Variants in PRDM16 observed in about 807,000 individuals in gnomAD.
The protein encoded by PRDM16 is PR/SET domain 16.
A neutral mutation model predicts 110.6 loss-of-function variants in PRDM16; 23 were observed. That is an observed-to-expected ratio of 0.21 (90% CI 0.15 to 0.29). The LOEUF (loss-of-function observed/expected upper bound fraction) is 0.29, where lower values mean the gene tolerates loss of function less well. Ranked by LOEUF, PRDM16 falls within the 10% of genes least tolerant of loss-of-function variation. PRDM16 has a pLI of 1.00. For synonymous variants in PRDM16, 799 were observed against 781.8 expected (o/e 1.02, Z -0.37); for missense variants, 1,615 against 1,794.3 (o/e 0.90, Z 1.81).
At chr1:3,392,502 G>A (rs911156558) in intron 4 of PRDM16, among the ~76,000 whole-genome samples, 4 of 152,184 alleles carry the variant, frequency 2.6e-5, no homozygotes, top group Non-Finnish European at 4.4e-5. Context: ...CCACCTGGTG[G>A]AATTTGCATG....
intron 3 of PRDM16, among the ~76,000 whole-genome samples, chr1:3,351,774 T>G (rs1570119388): frequency 8.6e-6 from 1 of 116,648 alleles, no homozygotes; most frequent in East Asian, 2.5e-4. Context: ...TCTTCTTCCC[T>G]CCCTCTCTCT....
At chr1:3,298,249 C>T (rs1373401254) in intron 3 of PRDM16, among the ~76,000 whole-genome samples, 5 of 152,212 alleles carry the variant, frequency 3.3e-5, no homozygotes, top group Non-Finnish European at 7.3e-5. Context: ...GCAAATGCAC[C>T]TCGTGTTCGA....
intron 3 of PRDM16, among the ~76,000 whole-genome samples, chr1:3,278,497 G>A (rs771798134): frequency 1.3e-5 from 2 of 152,120 alleles, no homozygotes; most frequent in African/African-American, 4.8e-5. Flanking sequence ...TGCTCACATC[G>A]GCAACCCCCT....
At chr1:3,368,672 T>C (rs1172907618) in intron 3 of PRDM16, among the ~76,000 whole-genome samples, 1 of 152,250 alleles carries the variant, frequency 6.6e-6, no homozygotes, top group Non-Finnish European at 1.5e-5. Flanking sequence ...CGTGTTGTGC[T>C]GCTTTAAATT....
intron 3 of PRDM16, among the ~76,000 whole-genome samples, chr1:3,383,374 C>T (rs891850200): frequency 3.9e-5 from 6 of 152,110 alleles, no homozygotes; most frequent in Admixed American, 6.5e-5. Flanking sequence ...AACCCTTAGT[C>T]GGGAACCCCA....
At chr1:3,096,725 G>T (rs923011757) in intron 1 of PRDM16, among the ~76,000 whole-genome samples, 26 of 152,312 alleles carry the variant, frequency 1.7e-4, no homozygotes, top group Non-Finnish European at 2.6e-4. Flanking sequence ...CGGAGCAGGG[G>T]TGGATGGTGA....
At chr1:3,239,710 A>G (rs760118276) in intron 2 of PRDM16, among the ~76,000 whole-genome samples, 4 of 152,218 alleles carry the variant, frequency 2.6e-5, no homozygotes, top group Admixed American at 6.5e-5. Context: ...GCACTTTGGG[A>G]GGCCAAGGCA....
intron 3 of PRDM16, among the ~76,000 whole-genome samples, chr1:3,274,675 G>A (rs116080748): frequency 5.3e-5 from 8 of 152,340 alleles, no homozygotes; most frequent in African/African-American, 7.2e-5. Flanking sequence ...CCTTGTCTGC[G>A]AGCTGCGTGA....
At chr1:3,145,529 C>T (rs1643631223) in intron 1 of PRDM16, among the ~76,000 whole-genome samples, 1 of 152,180 alleles carries the variant, frequency 6.6e-6, no homozygotes, top group African/African-American at 2.4e-5. Context: ...GGGGCTTCTC[C>T]CGAGAGTCCC....
Position 3,402,775 on chromosome 1 carries a change from G to A in PRDM16, c.677-16G>A, listed in dbSNP as rs192554855. 0.062 allele frequency: 98,741 copies of A among 1,603,138 alleles called. 3,379 individuals are homozygous for A. The highest frequency in any genetic ancestry group is 0.071 in the Non-Finnish European group (82,646 of 1,171,934). ...TCTCCAGCTCACTCACCACCACCTC[G>A]TTCTCTCTCTTGCAGAGGAGCCCAC... On this transcript the variant is annotated splice_polypyrimidine_tract_variant and intron_variant, in intron 5 of 16. Transcript: ENST00000270722.
chr1:3,118,187 G>C (rs903124066), intron 1 of PRDM16, among the ~76,000 whole-genome samples: 15 of 151,436 alleles, frequency 9.9e-5, no homozygotes, highest in African/African-American at 3.6e-4. Flanking sequence ...GATTGTGTGT[G>C]CATGCATGTA....
rs1643830982 is a variant in PRDM16 at position 3,154,613 on chromosome 1, A to G, written c.38-31512A>G. ...CCAAGCTGGGTTTCCTGGTGTTCTT[A>G]AGGTCCCTGCACGGGCACCATTCCA... On this transcript the variant is annotated intron_variant, in intron 1 of 16. Transcript: ENST00000270722. Among the ~76,000 whole-genome samples, 3 of 151,970 alleles carry G rather than the reference A, an allele frequency of 2.0e-5. No homozygotes were observed. The South Asian group carries it at 6.2e-4, about 32-fold the overall frequency.
chr1:3,276,510 G>A (rs527240731), intron 3 of PRDM16, among the ~76,000 whole-genome samples: 15 of 152,332 alleles, frequency 9.8e-5, no homozygotes, highest in South Asian at 6.2e-4. Context: ...ACTGGCCAGC[G>A]ACCCGGACCC....
intron 16 of PRDM16, 108 bp from the exon 17 acceptor site, chr1:3,433,569 C>CCTGTGTGTG (rs1557674989): frequency 9.5e-5 from 37 of 388,858 alleles, no homozygotes; most frequent in Admixed American, 1.4e-4. Flanking sequence ...ACCTGCCTGT[C>CCTGTGTGTG]TGGGATGGCC....
intron 12 of PRDM16, among the ~76,000 whole-genome samples, chr1:3,422,791 G>T (rs9783034): frequency 0.14 from 21,594 of 152,250 alleles, 1,846 homozygotes; most frequent in Middle Eastern, 0.25. Context: ...AAACTGCAGC[G>T]CCGCCCAGGG....
At chr1:3,270,871 C>G (rs888289156) in intron 3 of PRDM16, among the ~76,000 whole-genome samples, 1 of 151,520 alleles carries the variant, frequency 6.6e-6, no homozygotes, top group African/African-American at 2.4e-5. Context: ...GGGAGGAGGA[C>G]AGTCCAGGAG....
intron 4 of PRDM16, among the ~76,000 whole-genome samples, chr1:3,395,389 C>A (rs537985936): frequency 1.3e-5 from 2 of 152,170 alleles, no homozygotes; most frequent in Admixed American, 1.3e-4. Flanking sequence ...TCTAGACCCA[C>A]TCTGTTTTCT....
chr1:3,284,954 C>T (rs1455308908), intron 3 of PRDM16, among the ~76,000 whole-genome samples: 1 of 152,230 alleles, frequency 6.6e-6, no homozygotes, highest in Non-Finnish European at 1.5e-5. Context: ...CCTGAGTGAC[C>T]TGCTCCCCTC....
Position 3,404,770 on chromosome 1 carries a change from G to A in PRDM16, c.916G>A (p.Glu306Lys). The change falls in exon 7 of 17, where the codon GAG becomes AAG. Residue 306 changes from glutamate (E) to lysine (K), a missense_variant. Transcript: ENST00000270722. Reference sequence around the variant, plus strand: ...GCAGCACATGGTCATCCACACGGAGGAGCGCGAGTACAAATGCGACCAGTG... The same window carrying A: ...GCAGCACATGGTCATCCACACGGAGAAGCGCGAGTACAAATGCGACCAGTG... ...LEQHMVIHTE[E>K]REYKCDQCPK... 3.1e-6 allele frequency: 5 copies of A among 1,613,598 alleles called. No individual in the cohort carries two copies. The highest frequency in any genetic ancestry group is 2.2e-5 in the South Asian group (2 of 91,090).
Sources: allele counts gnomAD v4.1 joint callset (sites outside exome capture counted in the v4.1 genomes callset), GRCh38; gene constraint gnomAD v4.1.1; transcripts MANE v1.5; gene names NCBI Gene and HGNC (gene_info 2026-07-23, HGNC 2026-07-21).